The following GRIN2A variants were observed in gnomAD, a reference collection of about 807,000 sequenced individuals.
GRIN2A encodes glutamate ionotropic receptor NMDA type subunit 2A.
A neutral mutation model predicts 113.4 loss-of-function variants in GRIN2A; 22 were observed. The ratio of observed to expected loss-of-function variants is 0.19; its 90% CI spans 0.14 to 0.28. GRIN2A has a LOEUF of 0.28. Ranked by LOEUF, GRIN2A falls within the 10% of genes least tolerant of loss-of-function variation. The probability of loss-of-function intolerance (pLI) is 1.00; values close to 1 mark genes in which losing one functional copy is unlikely to be tolerated. For missense variants in GRIN2A, 1,502 were observed against 1,887.0 expected (o/e 0.80, Z 3.78); for synonymous variants, 827 against 738.4 (o/e 1.12, Z -1.94).
intron 11 of GRIN2A, among the ~76,000 whole-genome samples, chr16:9,776,030 G>C (rs1030406328): frequency 1.3e-5 from 2 of 152,174 alleles, no homozygotes; most frequent in Non-Finnish European, 2.9e-5. Flanking sequence ...CCTGTTCCGA[G>C]GTTATGCAGT....
chr16:9,986,582 G>A (rs2045982641), intron 2 of GRIN2A, among the ~76,000 whole-genome samples: 5 of 151,964 alleles, frequency 3.3e-5, no homozygotes, highest in Admixed American at 2.6e-4. Context: ...GGTCAACATA[G>A]TGAAACCCCG....
At chr16:9,766,477 A>G (rs1900930544) in intron 12 of GRIN2A, among the ~76,000 whole-genome samples, 1 of 152,168 alleles carries the variant, frequency 6.6e-6, no homozygotes, top group Non-Finnish European at 1.5e-5. Context: ...CCCAGGCTTC[A>G]TGGTTGGTGA....
At position 9,949,551 on chromosome 16, in the gene GRIN2A, G is replaced by A. The variant is rs561987314; in HGVS notation, c.415-11000C>T. Among the ~76,000 whole-genome samples the A allele has an allele frequency of 9.2e-4, 139 of 151,530 alleles. 1 individual carries two copies. The highest frequency in any genetic ancestry group is 3.2e-3 in the African/African-American group (131 of 41,308). On this transcript the variant is annotated intron_variant, in intron 2 of 12. Coordinates refer to ENST00000330684, the MANE Select transcript of GRIN2A (RefSeq NM_001134407.3). ...GAACAGATGGATGGATGGTTGGGAGGATGAATGAATGAATGAATGGATGGA... is the reference window on the plus strand; with the variant it reads ...GAACAGATGGATGGATGGTTGGGAGAATGAATGAATGAATGAATGGATGGA...
chr16:10,025,832 C>G (rs1028714937), intron 2 of GRIN2A, among the ~76,000 whole-genome samples: 1 of 152,128 alleles, frequency 6.6e-6, no homozygotes, highest in African/African-American at 2.4e-5. Flanking sequence ...TCAGAGAAAT[C>G]TTACTGCAAA....
chr16:9,870,662 G>C (rs979396235), intron 4 of GRIN2A, among the ~76,000 whole-genome samples: 6 of 149,794 alleles, frequency 4.0e-5, no homozygotes, highest in Non-Finnish European at 8.9e-5. Flanking sequence ...TGTAGAGATG[G>C]AGTCTCGCTC....
At position 9,756,473 on chromosome 16, in the gene GRIN2A, C is replaced by A. The variant is rs1900353186; in HGVS notation, c.*6676G>T. On this transcript the variant is annotated 3_prime_UTR_variant, in exon 13 of 13. Transcript: ENST00000330684. ...TACTCAAGGGTATATGCCCAGGAAC[C>A]TCAAAAGAGCACACCTCTCTTTCTG... 4.4e-6 allele frequency: 1 copy of A among 227,086 alleles called. No homozygotes were observed. Among genetic ancestry groups the A allele is most frequent in the Non-Finnish European group, 8.8e-6 (1 of 114,106 alleles). 14.1% of individuals were successfully genotyped at this position (227,086 alleles called of 1,614,324 possible). A position where few individuals can be genotyped will look rare whatever the true frequency, so the allele number is the denominator to read the frequency against.
rs530839598 is a variant in GRIN2A at position 9,880,804 on chromosome 16, C to T, written c.1122+10182G>A. The stretch of plus-strand genomic sequence containing the variant: ...TTATTCTCGTGAGACCTTGTTCAAA[C>T]GAGAAATCCTCCATACAAACGCCCT... On this transcript the variant is annotated intron_variant, in intron 4 of 12. Transcript: ENST00000330684. Among the ~76,000 whole-genome samples the T allele has an allele frequency of 1.2e-4, 18 of 152,306 alleles. No homozygotes were observed. The East Asian group carries it at 2.9e-3, about 24-fold the overall frequency.
intron 2 of GRIN2A, among the ~76,000 whole-genome samples, chr16:10,110,522 A>C (rs1443986230): frequency 6.6e-6 from 1 of 152,190 alleles, no homozygotes; most frequent in Non-Finnish European, 1.5e-5. Flanking sequence ...AAGCTATTGG[A>C]GTGATCCAGG....
chr16:10,119,566 A>G (rs1382465004), intron 2 of GRIN2A, among the ~76,000 whole-genome samples: 1 of 152,150 alleles, frequency 6.6e-6, no homozygotes, highest in Non-Finnish European at 1.5e-5. Context: ...TCAACAGGGA[A>G]AGATTATTTT....
At position 9,786,060 on chromosome 16, in the gene GRIN2A, T is replaced by G. The variant is rs185778576; in HGVS notation, c.2356+12217A>C. 9.5e-4 allele frequency among the ~76,000 whole-genome samples: 145 copies of G among 152,344 alleles called. 1 individual carries two copies. Among genetic ancestry groups the G allele is most frequent in the African/African-American group, 3.1e-3 (130 of 41,580 alleles). ...ATTAGAAAGTTAGTAATTTACAGACTAGCCCAGCTCATCCCCAACTGTGAT... is the reference window on the plus strand; with the variant it reads ...ATTAGAAAGTTAGTAATTTACAGACGAGCCCAGCTCATCCCCAACTGTGAT... On this transcript the variant is annotated intron_variant, in intron 11 of 12. Transcript: ENST00000330684.
chr16:9,989,714 C>A (rs369196596), intron 2 of GRIN2A, among the ~76,000 whole-genome samples: 2 of 151,986 alleles, frequency 1.3e-5, no homozygotes, highest in South Asian at 2.1e-4. Context: ...CCATTAAAAT[C>A]AGGCAAAGGA....
intron 10 of GRIN2A, among the ~76,000 whole-genome samples, chr16:9,802,290 A>C: frequency 6.6e-6 from 1 of 152,148 alleles, no homozygotes; most frequent in East Asian, 1.9e-4. Flanking sequence ...AACCTCAATC[A>C]AACCCACCAG....
chr16:9,907,563 G>T (rs1469671250), intron 3 of GRIN2A, among the ~76,000 whole-genome samples: 1 of 151,982 alleles, frequency 6.6e-6, no homozygotes, highest in African/African-American at 2.4e-5. Context: ...GAATCTGTGT[G>T]CCAAGAATCA....
chr16:10,063,539 T>C (rs887737089), intron 2 of GRIN2A, among the ~76,000 whole-genome samples: 1 of 152,154 alleles, frequency 6.6e-6, no homozygotes, highest in Non-Finnish European at 1.5e-5. Flanking sequence ...GAGAAGGAAA[T>C]AAAATTCTTA....
At chr16:10,162,628 C>T (rs1180261994) in intron 2 of GRIN2A, among the ~76,000 whole-genome samples, 1 of 152,120 alleles carries the variant, frequency 6.6e-6, no homozygotes, top group Non-Finnish European at 1.5e-5. Context: ...ATAAGGACAC[C>T]AGTCATGTTG....
intron 10 of GRIN2A, among the ~76,000 whole-genome samples, chr16:9,815,357 C>T (rs921770493): frequency 2.7e-5 from 4 of 147,358 alleles, no homozygotes; most frequent in Non-Finnish European, 5.9e-5. Flanking sequence ...AATTGTATAT[C>T]TGATAAGGGA....
intron 2 of GRIN2A, among the ~76,000 whole-genome samples, chr16:9,952,923 GA>G (rs1194353615): frequency 2.6e-5 from 4 of 152,014 alleles, no homozygotes; most frequent in Non-Finnish European, 5.9e-5. Flanking sequence ...GACAGGGAGT[GA>G]AAAAAAGAGA....
intron 8 of GRIN2A, among the ~76,000 whole-genome samples, chr16:9,833,494 A>AT (rs1365229052): frequency 6.6e-6 from 1 of 152,204 alleles, no homozygotes. Flanking sequence ...TTTGACAAGC[A>AT]TTTTTTAAAT....
chr16:9,997,006 G>A (rs538633747), intron 2 of GRIN2A, among the ~76,000 whole-genome samples: 32 of 151,948 alleles, frequency 2.1e-4, no homozygotes, highest in Non-Finnish European at 2.6e-4. Context: ...ATGCTCTTTC[G>A]TTCCTTTAAG....
Sources: gnomAD v4.1 joint callset for allele counts (sites outside exome capture counted in the v4.1 genomes callset) on GRCh38, gnomAD v4.1.1 for gene constraint, MANE v1.5 for transcripts, NCBI Gene and HGNC (gene_info 2026-07-23, HGNC 2026-07-21) for gene names.